The following TECRL variants were observed in gnomAD, a reference collection of about 807,000 sequenced individuals.
TECRL encodes trans-2,3-enoyl-CoA reductase like.
TECRL carries 63 observed loss-of-function variants against 52.8 expected under a neutral mutation model. The observed-to-expected ratio is 1.19, with a 90% CI of 0.97 to 1.47. The LOEUF is 1.47. Ranked by LOEUF, TECRL falls within the 40% of genes most tolerant of loss-of-function variation. The pLI is 0.00. For synonymous variants in TECRL, 164 were observed against 141.9 expected (o/e 1.16, Z -1.10); for missense variants, 482 against 429.6 (o/e 1.12, Z -1.08).
chr4:64,325,701 A>G lies in TECRL; in HGVS notation c.331+2811T>C, dbSNP rs1348392746. On this transcript the variant is annotated intron_variant, in intron 3 of 11. Transcript: ENST00000381210. ...GGACAAAAAATTCAGCTGGCTTTGT[A>G]TCACTTGAAAGTGTGCTGAAAATAT... Among the ~76,000 whole-genome samples, 3 of 151,908 alleles carry G rather than the reference A, an allele frequency of 2.0e-5. 1 individual carries two copies. The highest frequency in any genetic ancestry group is 6.6e-5 in the Admixed American group (1 of 15,250).
chr4:64,327,310 G>A (rs1446060945), intron 3 of TECRL, among the ~76,000 whole-genome samples: 1 of 152,002 alleles, frequency 6.6e-6, no homozygotes. Flanking sequence ...AAATTTGGGA[G>A]AAAAGGAATA....
intron 3 of TECRL, among the ~76,000 whole-genome samples, chr4:64,326,227 A>C (rs962626565): frequency 5.9e-5 from 9 of 152,122 alleles, no homozygotes; most frequent in Non-Finnish European, 2.9e-5. Context: ...GATGGAAAAA[A>C]ATCTATTTTT....
At chr4:64,333,246 T>A (rs1350226468) in intron 2 of TECRL, among the ~76,000 whole-genome samples, 1 of 151,838 alleles carries the variant, frequency 6.6e-6, no homozygotes, top group African/African-American at 2.4e-5. Context: ...AATAGAAGAG[T>A]TCTAAAGAGC....
intron 1 of TECRL, among the ~76,000 whole-genome samples, chr4:64,395,276 A>G (rs1723862719): frequency 6.6e-6 from 1 of 152,140 alleles, no homozygotes; most frequent in Admixed American, 6.6e-5. Flanking sequence ...TTATATTTTA[A>G]TACTTAATCA....
chr4:64,328,319 C>T (rs1298480024), intron 3 of TECRL, among the ~76,000 whole-genome samples, 193 bp downstream of exon 3: 4 of 151,918 alleles, frequency 2.6e-5, no homozygotes, highest in African/African-American at 7.2e-5. Context: ...AACTCACAGA[C>T]AGTGAATATG....
chr4:64,288,924 G>A (rs1377398396), intron 9 of TECRL, among the ~76,000 whole-genome samples: 5 of 152,062 alleles, frequency 3.3e-5, no homozygotes, highest in Non-Finnish European at 5.9e-5. Context: ...ACAAAGTTTT[G>A]CCTCATCCAC....
At chr4:64,310,146 A>G (rs1724585734) in intron 5 of TECRL, among the ~76,000 whole-genome samples, 1 of 152,222 alleles carries the variant, frequency 6.6e-6, no homozygotes, top group Non-Finnish European at 1.5e-5. Flanking sequence ...CTATAAATTT[A>G]CTTCTGATGA....
intron 1 of TECRL, among the ~76,000 whole-genome samples, chr4:64,402,353 C>T (rs1303915585): frequency 6.6e-6 from 1 of 151,876 alleles, no homozygotes; most frequent in Non-Finnish European, 1.5e-5. Context: ...ACTAATATAT[C>T]AATTATAAGC....
chr4:64,359,144 T>C (rs1408867631), intron 2 of TECRL, among the ~76,000 whole-genome samples: 1 of 152,004 alleles, frequency 6.6e-6, no homozygotes, highest in Non-Finnish European at 1.5e-5. Flanking sequence ...CCTCATACAC[T>C]AATCCTGTTA....
chr4:64,304,191 T>C (rs1037673275), intron 7 of TECRL, among the ~76,000 whole-genome samples: 5 of 151,946 alleles, frequency 3.3e-5, no homozygotes, highest in Non-Finnish European at 5.9e-5. Flanking sequence ...TACTTCTATG[T>C]GCTAACGTTG....
chr4:64,345,236 A>G (rs541396800), intron 2 of TECRL, among the ~76,000 whole-genome samples: 1 of 152,286 alleles, frequency 6.6e-6, no homozygotes, highest in African/African-American at 2.4e-5. Context: ...ATGCTGCTAT[A>G]AAGACACATG....
chr4:64,372,661 T>C (rs1436266652), intron 2 of TECRL, among the ~76,000 whole-genome samples: 1 of 151,464 alleles, frequency 6.6e-6, no homozygotes, highest in Non-Finnish European at 1.5e-5. Context: ...AGACAAAATA[T>C]CAGGATTAAT....
intron 4 of TECRL, among the ~76,000 whole-genome samples, chr4:64,317,351 A>AT (rs933379940): frequency 7.9e-5 from 12 of 152,112 alleles, no homozygotes; most frequent in African/African-American, 2.9e-4. Flanking sequence ...GCAACTGTGA[A>AT]TTGGTGAGAG....
At chr4:64,334,018 G>A (rs564910706) in intron 2 of TECRL, among the ~76,000 whole-genome samples, 765 of 28,138 alleles carry the variant, frequency 0.027, 58 homozygotes, top group African/African-American at 0.052. Flanking sequence ...GCGACAGAGC[G>A]AGACTCCGTC....
intron 2 of TECRL, among the ~76,000 whole-genome samples, chr4:64,373,062 A>C (rs2109667409): frequency 6.6e-6 from 1 of 151,854 alleles, no homozygotes; most frequent in East Asian, 1.9e-4. Flanking sequence ...GTCTTTCAAA[A>C]ATTGGCAAAT....
chr4:64,397,484 A>G (rs1724034097), intron 1 of TECRL, among the ~76,000 whole-genome samples: 1 of 151,318 alleles, frequency 6.6e-6, no homozygotes, highest in Non-Finnish European at 1.5e-5. Flanking sequence ...CGCCTTTGTG[A>G]GGTTATTAGG....
chr4:64,345,762 T>G (rs1031419164), intron 2 of TECRL, among the ~76,000 whole-genome samples: 1 of 151,766 alleles, frequency 6.6e-6, no homozygotes, highest in African/African-American at 2.4e-5. Context: ...AAGGTCCTGT[T>G]GAACCTAATG....
At chr4:64,385,303 G>T (rs1299350640) in intron 1 of TECRL, among the ~76,000 whole-genome samples, 1 of 152,154 alleles carries the variant, frequency 6.6e-6, no homozygotes, top group Non-Finnish European at 1.5e-5. Flanking sequence ...CAGGCCCCAG[G>T]ATAGTGTCCA....
intron 4 of TECRL, among the ~76,000 whole-genome samples, chr4:64,322,143 G>A (rs1381242271): frequency 6.6e-6 from 1 of 152,106 alleles, no homozygotes; most frequent in Non-Finnish European, 1.5e-5. Context: ...TCTCAAAAGA[G>A]TATCAAAGAA....
Sources: gnomAD v4.1 joint callset for allele counts (sites outside exome capture counted in the v4.1 genomes callset) on GRCh38, gnomAD v4.1.1 for gene constraint, MANE v1.5 for transcripts, NCBI Gene and HGNC (gene_info 2026-07-23, HGNC 2026-07-21) for gene names.